The following ADD1 variants were observed in gnomAD, a reference collection of about 807,000 sequenced individuals.
ADD1 encodes alpha-adducin.
A neutral mutation model predicts 80.5 loss-of-function variants in ADD1; 24 were observed. The observed-to-expected ratio is 0.30, with a 90% CI of 0.22 to 0.42. The LOEUF is 0.42. Ranked by LOEUF, ADD1 falls within the 10% of genes least tolerant of loss-of-function variation. ADD1 has a pLI of 1.00. For missense variants in ADD1, 948 were observed against 1,019.0 expected (o/e 0.93, Z 0.95); for synonymous variants, 373 against 393.8 (o/e 0.95, Z 0.63).
At chr4:2,862,089 GC>G (rs35707952) in intron 1 of ADD1, among the ~76,000 whole-genome samples, 2,327 of 152,300 alleles carry the variant, frequency 0.015, 55 homozygotes, top group African/African-American at 0.048. Context: ...TACTGGGGCA[GC>G]CCAGCAGGTA....
At chr4:2,890,754 T>A (rs981916223) in intron 4 of ADD1, among the ~76,000 whole-genome samples, 1 of 152,164 alleles carries the variant, frequency 6.6e-6, no homozygotes, top group Non-Finnish European at 1.5e-5. Context: ...TACATGGATG[T>A]TTGATTTATT....
At position 2,919,627 on chromosome 4, in the gene ADD1, A is replaced by G. The variant is rs374546343; in HGVS notation, c.1948+4587A>G. ...AGATTTTCTAGTTTATTTGCGTAGA[A>G]GTGTTCATAGTATTCTCTGATGGTA... On this transcript the variant is annotated intron_variant, in intron 14 of 15. Transcript: ENST00000683351. Among the ~76,000 whole-genome samples the G allele has an allele frequency of 7.2e-5, 11 of 152,248 alleles. No homozygotes were observed. In the East Asian group the frequency reaches 9.6e-4, roughly 13 times the overall value.
intron 8 of ADD1, 164 bp from the exon 9 acceptor site, chr4:2,899,095 T>A: frequency 1.3e-6 from 1 of 742,352 alleles, no homozygotes. Flanking sequence ...AAGAAATACT[T>A]CTGAAAGTAA....
chr4:2,909,984 AAC>A (rs1468661604), intron 13 of ADD1, among the ~76,000 whole-genome samples: 22 of 143,636 alleles, frequency 1.5e-4, no homozygotes, highest in African/African-American at 4.9e-4. Flanking sequence ...AAAAAAAAAA[AAC>A]CCTAAATAAC....
chr4:2,852,558 C>T (rs1373535322), intron 1 of ADD1, among the ~76,000 whole-genome samples: 4 of 151,784 alleles, frequency 2.6e-5, no homozygotes, highest in South Asian at 2.1e-4. Context: ...TTCTGAGCAA[C>T]GTCTCCAGGG....
rs747095109 is a variant in ADD1, at chr4:2,904,787, T to C, written c.1185T>C (p.Tyr395=). The stretch of plus-strand genomic sequence containing the variant: ...AGGGCTACAGAACTGGCTACCCTTA[T>C]CGATACCCTGCTCTGAGAGAGAAGT... ...DNLGYRTGYP[Y]RYPALREKSK... is the part of the protein sequence containing the mutation. The change falls in exon 10 of 16, where the codon TAT becomes TAC. Residue 395 remains tyrosine, a synonymous_variant. Transcript: ENST00000683351. 2.5e-6 allele frequency: 4 copies of C among 1,614,194 alleles called. No homozygotes were observed. In the East Asian group the frequency reaches 6.7e-5, roughly 27 times the overall value.
chr4:2,851,173 G>A (rs532100806), intron 1 of ADD1, among the ~76,000 whole-genome samples: 2 of 152,122 alleles, frequency 1.3e-5, no homozygotes, highest in South Asian at 4.2e-4. Flanking sequence ...CTCAGCCTCC[G>A]GAATAGCTAG....
chr4:2,893,628 A>G (rs1734676312), intron 4 of ADD1, among the ~76,000 whole-genome samples: 1 of 152,090 alleles, frequency 6.6e-6, no homozygotes, highest in African/African-American at 2.4e-5. Flanking sequence ...AAAAAAAAGA[A>G]TAATGTAAGT....
intron 4 of ADD1, among the ~76,000 whole-genome samples, chr4:2,885,881 A>G (rs537319354): frequency 5.3e-5 from 8 of 152,156 alleles, no homozygotes; most frequent in Admixed American, 3.9e-4. Context: ...AAGTGCTGGG[A>G]TTACAGGCGT....
intron 2 of ADD1, among the ~76,000 whole-genome samples, chr4:2,880,248 A>C (rs999152468): frequency 6.6e-6 from 1 of 151,986 alleles, no homozygotes; most frequent in Admixed American, 6.6e-5. Context: ...CAGACATTCT[A>C]TTCTACCCTT....
intron 1 of ADD1, among the ~76,000 whole-genome samples, chr4:2,854,383 G>A (rs898865994): frequency 1.3e-5 from 2 of 152,192 alleles, no homozygotes; most frequent in African/African-American, 4.8e-5. Flanking sequence ...GTGAGAAAGG[G>A]AGGTGCAAGG....
chr4:2,909,449 C>A lies in ADD1; in HGVS notation c.1791+18C>A. 1 of 1,535,022 alleles carries A rather than the reference C, an allele frequency of 6.5e-7. No homozygotes were observed. Among genetic ancestry groups the A allele is most frequent in the South Asian group, 1.2e-5 (1 of 83,788 alleles). The stretch of plus-strand genomic sequence containing the variant: ...TTAGAAAGGTACTCACTGCCCTGTC[C>A]TCACTACCTGTCTATGCGCCTTGCT... On this transcript the variant is annotated intron_variant, in intron 13 of 15. Coordinates refer to ENST00000683351, the MANE Select transcript of ADD1 (RefSeq NM_001354761.2).
At chr4:2,866,340 G>T (rs7655104) in intron 1 of ADD1, among the ~76,000 whole-genome samples, 35,292 of 151,918 alleles carry the variant, frequency 0.23, 4,679 homozygotes, top group Middle Eastern at 0.3. Flanking sequence ...CTAATTTTTT[G>T]TGTGTGTGTA....
chr4:2,898,199 T>C lies in ADD1; in HGVS notation c.757T>C (p.Cys253Arg), dbSNP rs367745191. 4 of 1,613,492 alleles carry C rather than the reference T, an allele frequency of 2.5e-6. No individual in the cohort carries two copies. The African/African-American group carries it at 5.3e-5, about 22-fold the overall frequency. ...PAGAAVSAMK[C>R]GLLPISPEAL... is the part of the protein sequence containing the mutation. ...TGGTCTCTAGGTCTCTGCAATGAAA[T>C]GTGGCCTCTTGCCAATCTCCCCGGA... is the stretch of plus-strand genomic sequence containing the variant. The change falls in exon 7 of 16, where the codon TGT (cysteine) becomes CGT (arginine). Residue 253 changes from cysteine (C) to arginine (R), a missense_variant. Coordinates refer to ENST00000683351, the MANE Select transcript of ADD1 (RefSeq NM_001354761.2).
At position 2,885,803 on chromosome 4, in the gene ADD1, G is replaced by A. The variant is rs191880812; in HGVS notation, c.510+1137G>A. Among the ~76,000 whole-genome samples the A allele has an allele frequency of 3.6e-3, 541 of 151,988 alleles. 5 individuals are homozygous for A. The East Asian group carries it at 0.037, about 10-fold the overall frequency. The stretch of plus-strand genomic sequence containing the variant: ...TTTTTTGTATTTTTAGTAGAGACGG[G>A]GTTTCACCGTGTTAGCCAGGATGGT... On this transcript the variant is annotated intron_variant, in intron 4 of 15. Transcript: ENST00000683351.
intron 15 of ADD1, among the ~76,000 whole-genome samples, chr4:2,927,923 G>C (rs1217380565): frequency 1.3e-5 from 2 of 152,188 alleles, no homozygotes; most frequent in African/African-American, 4.8e-5. Flanking sequence ...CTGGGACGGA[G>C]TCTGGTGTTG....
intron 1 of ADD1, among the ~76,000 whole-genome samples, chr4:2,874,557 A>C (rs2108885888): frequency 6.6e-6 from 1 of 151,592 alleles, no homozygotes; most frequent in South Asian, 2.1e-4. Flanking sequence ...CAGTGAGCCG[A>C]GATCATGCCA....
chr4:2,905,780 T>C (rs1384582436), intron 10 of ADD1: 1 of 152,968 alleles, frequency 6.5e-6, no homozygotes, highest in Non-Finnish European at 1.5e-5. Context: ...CGACAGACGC[T>C]GCAAGGGGTG....
Position 2,905,066 on chromosome 4 carries a change from C to T in ADD1, c.1464C>T (p.Leu488=). Residue 488 remains leucine (L), a synonymous_variant, in exon 10 of 16, where the codon CTC becomes CTT. Transcript: ENST00000683351. Reference sequence around the variant, plus strand: ...ACGTGAAACCCTTGCTGCAGTCTCTCTCGTCCGGTGTCTGCGTGCCAAGCT... The same window carrying T: ...ACGTGAAACCCTTGCTGCAGTCTCTTTCGTCCGGTGTCTGCGTGCCAAGCT... The part of the protein sequence containing the change: ...HDHVKPLLQS[L]SSGVCVPSCI... The T allele has an allele frequency of 6.2e-7, 1 of 1,614,236 alleles. No homozygotes were observed. The highest frequency in any genetic ancestry group is 8.5e-7 in the Non-Finnish European group (1 of 1,180,044).
Sources: allele counts gnomAD v4.1 joint callset (sites outside exome capture counted in the v4.1 genomes callset), GRCh38; gene constraint gnomAD v4.1.1; transcripts MANE v1.5; gene names NCBI Gene and HGNC (gene_info 2026-07-23, HGNC 2026-07-21).